Variants in PHLDB1 observed in about 807,000 individuals in gnomAD.
PHLDB1 encodes the protein pleckstrin homology-like domain family B member 1.
A neutral mutation model predicts 139.3 loss-of-function variants in PHLDB1; 65 were observed. The ratio of observed to expected loss-of-function variants is 0.47; its 90% confidence interval spans 0.38 to 0.57. PHLDB1 has a LOEUF of 0.57. PHLDB1 is among the 20% of genes least tolerant of loss of function. PHLDB1 has a pLI of 0.00. For synonymous variants in PHLDB1, 679 were observed against 734.5 expected, an observed-to-expected ratio of 0.92 and a Z score of 1.22; for missense variants, 1,624 against 1,839.7, an observed-to-expected ratio of 0.88 and a Z score of 2.14.
chr11:118,640,059 C>A, intron 12 of PHLDB1: 1 of 914,488 alleles, frequency 1.1e-6, no homozygotes, highest in Non-Finnish European at 1.3e-6. Context: ...TGCCTGCCCG[C>A]TGAGCCCCTG....
At chr11:118,621,645 G>C (rs559490110) in intron 4 of PHLDB1, 1 of 152,410 alleles carries the variant, frequency 6.6e-6, no homozygotes, top group Non-Finnish European at 1.5e-5. Context: ...AGGTGCATGG[G>C]GTCCTCTGAC....
rs869301387 is a variant in PHLDB1 at position 118,611,823 on chromosome 11, A to AT, written c.-21-1993_-21-1992insT. On this transcript the variant is annotated intron_variant, in intron 1 of 22. Coordinates refer to ENST00000600882, the MANE Select transcript of PHLDB1 (RefSeq NM_001144758.3). The surrounding 1 kb of genome is among the most constrained non-coding windows in gnomAD (Gnocchi z 4.7). ...ACAAGAGTGAAACTCCGTCTCAAAA[A>AT]AAAAAAAAAAATAATAATAATAATA... 2.1e-4 allele frequency among the ~76,000 whole-genome samples: 22 copies of AT among 105,174 alleles called. No homozygotes were observed. The highest frequency in any genetic ancestry group is 3.8e-4 in the Non-Finnish European group (16 of 42,564). The allele number at this position is 105,174 out of a possible 152,430, so 69.0% of individuals were successfully genotyped here. A position where few individuals can be genotyped will look rare whatever the true frequency, so the allele number is the denominator to read the frequency against.
Position 118,656,991 on chromosome 11 carries a change from G to A in PHLDB1, c.*168G>A. 1.7e-6 allele frequency: 1 copy of A among 602,620 alleles called. No individual in the cohort carries two copies. The highest frequency in any genetic ancestry group is 2.9e-6 in the Non-Finnish European group (1 of 348,674). The allele number at this position is 602,620 out of a possible 1,614,324, so 37.3% of individuals were successfully genotyped here. A position where few individuals can be genotyped will look rare whatever the true frequency, so the allele number is the denominator to read the frequency against. ...GCTGCCTCCTGGGAGCCCAGAACTT[G>A]CAGTAACCCTTTAGGGTCCTGCCCC... On this transcript the variant is annotated 3_prime_UTR_variant, in exon 23 of 23. Transcript: ENST00000600882.
chr11:118,645,549 T>G lies in PHLDB1; in HGVS notation c.3315T>G (p.Gly1105=). ...LPAGRERGEE[G]EHAYDTLSLE... is the part of the protein sequence containing the mutation. Reference sequence around the variant, plus strand: ...CGGGGCGGGAGCGTGGGGAGGAGGGTGAGCACGCCTATGATACGCTGAGTC... The same window carrying G: ...CGGGGCGGGAGCGTGGGGAGGAGGGGGAGCACGCCTATGATACGCTGAGTC... Residue 1105 remains glycine (G), a synonymous_variant, in exon 16 of 23, where the codon GGT becomes GGG. Transcript: ENST00000600882. This position sits in a 1 kb window ranked among gnomAD's most constrained non-coding sequence, Gnocchi z 5.1. The G allele has an allele frequency of 6.2e-7, 1 of 1,613,020 alleles. No homozygotes were observed. Among genetic ancestry groups the G allele is most frequent in the Non-Finnish European group, 8.5e-7 (1 of 1,179,582 alleles).
chr11:118,625,574 C>T (rs1219286598), intron 5 of PHLDB1, among the ~76,000 whole-genome samples: 2 of 152,244 alleles, frequency 1.3e-5, no homozygotes, highest in Non-Finnish European at 2.9e-5. Flanking sequence ...GGGGAACCAA[C>T]ACAGGCCCCC....
In PHLDB1 at chr11:118,628,257, A is replaced by G. The variant is rs1944207185; in HGVS notation, c.1434A>G (p.Pro478=). 1 of 1,614,028 alleles carries G rather than the reference A, an allele frequency of 6.2e-7. No homozygotes were observed. The highest frequency in any genetic ancestry group is 8.5e-7 in the Non-Finnish European group (1 of 1,179,994). ...ALSPLPTRTT[P]DPKLNREVAE... is the part of the protein sequence containing the mutation. Reference sequence around the variant, plus strand: ...CCCCGCTGCCCACCCGGACCACCCCAGATCCCAAGCTAAACAGGGAAGTGG... The same window carrying G: ...CCCCGCTGCCCACCCGGACCACCCCGGATCCCAAGCTAAACAGGGAAGTGG... The change falls in exon 6 of 23, where the codon CCA becomes CCG. Residue 478 remains proline, a synonymous_variant. Transcript: ENST00000600882.
At chr11:118,616,922 G>T (rs1199407635) in intron 4 of PHLDB1, among the ~76,000 whole-genome samples, 1 of 152,196 alleles carries the variant, frequency 6.6e-6, no homozygotes, top group African/African-American at 2.4e-5. Context: ...GCACACGCCT[G>T]TAGTCCTAGC....
In PHLDB1 at chr11:118,655,676, C is replaced by T. The variant is rs782712347; in HGVS notation, c.3946C>T (p.Arg1316Cys). Residue 1316 changes from arginine to cysteine, a missense_variant, in exon 21 of 23, where the codon CGC (arginine) becomes TGC (cysteine). By Grantham distance (180) the Arg-to-Cys change is radical. Transcript: ENST00000600882. ...AIEEVYYDHL[R>C]SAAKKRFFRF... ...TGAGGAAGTGTACTACGACCACCTGCGCAGTGCAGCCAAGGTCAGGGGTGG... is the reference window on the plus strand; with the variant it reads ...TGAGGAAGTGTACTACGACCACCTGTGCAGTGCAGCCAAGGTCAGGGGTGG... 52 of 1,611,250 alleles carry T rather than the reference C, an allele frequency of 3.2e-5. No homozygotes were observed. The Admixed American group carries it at 4.5e-4, about 14-fold the overall frequency.
chr11:118,630,099 A>G, intron 6 of PHLDB1: 1 of 1,243,034 alleles, frequency 8.0e-7, no homozygotes, highest in Non-Finnish European at 1.0e-6. Flanking sequence ...GTATGAGAAC[A>G]CCTCTCCAGC....
At chr11:118,642,721 A>T (rs782314467) in intron 13 of PHLDB1, among the ~76,000 whole-genome samples, 34 of 152,210 alleles carry the variant, frequency 2.2e-4, no homozygotes, top group Admixed American at 7.9e-4. Flanking sequence ...GCAGCCCCCA[A>T]CACCTGGAGC....
At position 118,621,951 on chromosome 11, in the gene PHLDB1, A is replaced by G. The variant is rs569887880; in HGVS notation, c.356-2983A>G. 4.6e-5 allele frequency among the ~76,000 whole-genome samples: 7 copies of G among 152,300 alleles called. No individual in the cohort carries two copies. In the South Asian group the frequency reaches 8.3e-4, roughly 18 times the overall value. On this transcript the variant is annotated intron_variant, in intron 4 of 22. Transcript: ENST00000600882. ...GACAATCCATTCTATTTGTGTGACC[A>G]GGAGGGCAGTGACAGTAGCTCTGAG... is the stretch of plus-strand genomic sequence containing the variant.
intron 10 of PHLDB1, among the ~76,000 whole-genome samples, chr11:118,636,445 G>A (rs1791798223): frequency 6.6e-6 from 1 of 152,158 alleles, no homozygotes; most frequent in Admixed American, 6.5e-5. Flanking sequence ...CTGAGCTGCT[G>A]TCTTACAAAC....
In PHLDB1 at chr11:118,655,708, C is replaced by A; in HGVS notation, c.3960+18C>A. On this transcript the variant is annotated intron_variant, in intron 21 of 22. Coordinates refer to ENST00000600882, the MANE Select transcript of PHLDB1 (RefSeq NM_001144758.3). ...CAGCCAAGGTCAGGGGTGGAGGGCA[C>A]CAGAGGGGGGCCAGAGGGACAGCCA... 6.3e-7 allele frequency: 1 copy of A among 1,593,516 alleles called. No individual in the cohort carries two copies. Among genetic ancestry groups the A allele is most frequent in the Non-Finnish European group, 8.6e-7 (1 of 1,161,428 alleles).
rs1945490209 is a variant in PHLDB1 at position 118,635,476 on chromosome 11, G to A, written c.2463G>A (p.Glu821=). 6.2e-7 allele frequency: 1 copy of A among 1,612,018 alleles called. No individual in the cohort carries two copies. Among genetic ancestry groups the A allele is most frequent in the Non-Finnish European group, 8.5e-7 (1 of 1,179,290 alleles). The change falls in exon 10 of 23, where the codon GAG becomes GAA. Residue 821 remains glutamate (E), a synonymous_variant. Coordinates refer to ENST00000600882, the MANE Select transcript of PHLDB1 (RefSeq NM_001144758.3). ...QQLERESRVE[E]ERELAGQGLL... is the part of the protein sequence containing the mutation. ...TGGAGCGGGAGAGCCGCGTGGAGGA[G>A]GAGCGCGAGCTGGCCGGCCAGGGGC...
chr11:118,609,461 C>T (rs1012518097), intron 1 of PHLDB1, among the ~76,000 whole-genome samples: 1 of 149,490 alleles, frequency 6.7e-6, no homozygotes, highest in African/African-American at 2.5e-5. Flanking sequence ...TCACACAGCC[C>T]CAGCCACACA....
At chr11:118,639,122 G>C in intron 11 of PHLDB1, 40 bp from the exon 12 acceptor site, 1 of 1,597,020 alleles carries the variant, frequency 6.3e-7, no homozygotes, top group South Asian at 1.1e-5. Flanking sequence ...CAGTCTCCTG[G>C]CTCCCACTCC....
At position 118,611,873 on chromosome 11, in the gene PHLDB1, T is replaced by C. The variant is rs999877839; in HGVS notation, c.-21-1943T>C. On this transcript the variant is annotated intron_variant, in intron 1 of 22. Transcript: ENST00000600882. This position sits in a 1 kb window ranked among gnomAD's most constrained non-coding sequence, Gnocchi z 4.7. ...AATAAATGGCATTAAGTGCTTTGCT[T>C]TCACAGAATGCCATTTAATATAATA... is the stretch of plus-strand genomic sequence containing the variant. 2.6e-5 allele frequency among the ~76,000 whole-genome samples: 4 copies of C among 151,802 alleles called. No individual in the cohort carries two copies. The highest frequency in any genetic ancestry group is 2.9e-5 in the Non-Finnish European group (2 of 67,952).
chr11:118,625,124 C>A, intron 5 of PHLDB1, 65 bp downstream of exon 5: 1 of 1,512,516 alleles, frequency 6.6e-7, no homozygotes, highest in South Asian at 1.3e-5. Flanking sequence ...CCTCCTTGCT[C>A]ACTTCAGCCA....
intron 5 of PHLDB1, among the ~76,000 whole-genome samples, chr11:118,625,299 C>T (rs575216441): frequency 6.6e-6 from 1 of 152,326 alleles, no homozygotes; most frequent in African/African-American, 2.4e-5. Flanking sequence ...CAAGCTCTGC[C>T]AGCTTGTACC....
Sources: gnomAD v4.1 joint callset for allele counts (sites outside exome capture counted in the v4.1 genomes callset) on GRCh38, gnomAD v4.1.1 for gene constraint, Gnocchi (gnomAD v3.1) non-coding constraint, MANE v1.5 for transcripts, NCBI Gene and HGNC (gene_info 2026-07-23, HGNC 2026-07-21) for gene names.